The following SIPA1L2 variants were observed in gnomAD, a reference collection of about 807,000 sequenced individuals.
SIPA1L2 encodes signal-induced proliferation-associated 1-like protein 2.
In SIPA1L2, 56 loss-of-function variants were observed where a neutral mutation model predicts 163.9. The ratio of observed to expected loss-of-function variants is 0.34; its 90% CI spans 0.28 to 0.43. SIPA1L2 has a LOEUF of 0.43. SIPA1L2 is among the 20% of genes least tolerant of loss of function. The probability of loss-of-function intolerance (pLI) is 1.00; values close to 1 mark genes in which losing one functional copy is unlikely to be tolerated. For missense variants in SIPA1L2, 1,974 were observed against 2,193.5 expected, an observed-to-expected ratio of 0.90 and a Z score of 2.00; for synonymous variants, 877 against 865.7, an observed-to-expected ratio of 1.01 and a Z score of -0.23.
chr1:232,433,485 C>G (rs1341422124), intron 15 of SIPA1L2, among the ~76,000 whole-genome samples: 2 of 152,120 alleles, frequency 1.3e-5, no homozygotes, highest in Admixed American at 6.5e-5. Flanking sequence ...ATGTTCTAGT[C>G]CTTAACCTGG....
At chr1:232,602,039 C>T (rs564313900) in intron 1 of SIPA1L2, among the ~76,000 whole-genome samples, 1 of 152,196 alleles carries the variant, frequency 6.6e-6, no homozygotes, top group East Asian at 1.9e-4. Context: ...GAAAAGCCCT[C>T]GCATGGAGAA....
rs547208058 is a variant in SIPA1L2 at position 232,608,918 on chromosome 1, T to G, written c.-319+20951A>C. Among the ~76,000 whole-genome samples the G allele has an allele frequency of 7.2e-5, 11 of 152,000 alleles. No homozygotes were observed. The South Asian group carries it at 1.9e-3, about 26-fold the overall frequency. On this transcript the variant is annotated intron_variant, in intron 1 of 22. Coordinates refer to ENST00000674635, the MANE Select transcript of SIPA1L2 (RefSeq NM_020808.5). ...TCACAATCTAGCTACTTACTCACAA[T>G]AGGCCGGTCTTCTTAAAGTCAAACA... is the stretch of plus-strand genomic sequence containing the variant.
chr1:232,438,632 C>T (rs79509142), intron 15 of SIPA1L2, among the ~76,000 whole-genome samples: 2 of 152,346 alleles, frequency 1.3e-5, no homozygotes, highest in East Asian at 3.9e-4. Context: ...CATTGTTATA[C>T]ACATGATCTC....
chr1:232,404,160 T>G lies in SIPA1L2; in HGVS notation c.4781A>C (p.Glu1594Ala). The part of the protein sequence containing the change: ...RAFEGLDSDE[E>A]LGLLCHHTSY... ...CGTGTGGTGACAGAGCAGCCCCAGTTCTTCATCTGAGTCAAGACCTGAAAT... is the reference window on the plus strand; with the variant it reads ...CGTGTGGTGACAGAGCAGCCCCAGTGCTTCATCTGAGTCAAGACCTGAAAT... The change falls in exon 20 of 23, where the codon GAA becomes GCA. Residue 1594 changes from glutamate (E) to alanine (A), a missense_variant. Coordinates refer to ENST00000674635, the MANE Select transcript of SIPA1L2 (RefSeq NM_020808.5). 6.2e-7 allele frequency: 1 copy of G among 1,614,012 alleles called. No individual in the cohort carries two copies. The highest frequency in any genetic ancestry group is 8.5e-7 in the Non-Finnish European group (1 of 1,179,980).
intron 1 of SIPA1L2, among the ~76,000 whole-genome samples, chr1:232,576,154 A>G (rs1660067548): frequency 6.6e-6 from 1 of 152,204 alleles, no homozygotes; most frequent in Non-Finnish European, 1.5e-5. Flanking sequence ...AGGGACTCAG[A>G]CACAGTACTA....
intron 10 of SIPA1L2, among the ~76,000 whole-genome samples, chr1:232,459,043 A>G (rs1664083947): frequency 1.3e-5 from 2 of 152,250 alleles, no homozygotes; most frequent in African/African-American, 2.4e-5. Flanking sequence ...ACAGGAAACA[A>G]GGCCACAGAA....
At chr1:232,526,484 T>C (rs1667713778) in intron 2 of SIPA1L2, among the ~76,000 whole-genome samples, 1 of 152,192 alleles carries the variant, frequency 6.6e-6, no homozygotes, top group African/African-American at 2.4e-5. Flanking sequence ...TAAATGTATG[T>C]GAAGCTCACA....
At chr1:232,480,896 C>T (rs1309369879) in intron 6 of SIPA1L2, among the ~76,000 whole-genome samples, 1 of 151,938 alleles carries the variant, frequency 6.6e-6, no homozygotes, top group Non-Finnish European at 1.5e-5. Flanking sequence ...CTTTCTGAAC[C>T]CTGTAGTATG....
intron 2 of SIPA1L2, among the ~76,000 whole-genome samples, chr1:232,528,103 A>ATATATATATATATATATATATATATCG (rs1558246735): frequency 1.4e-4 from 7 of 51,726 alleles, no homozygotes; most frequent in African/African-American, 4.7e-4. Context: ...TATATATATA[A>ATATATATATATATATATATATATATCG]TCAACTTTCT....
At chr1:232,607,052 CTAAT>C (rs1443939722) in intron 1 of SIPA1L2, among the ~76,000 whole-genome samples, 2 of 152,032 alleles carry the variant, frequency 1.3e-5, no homozygotes, top group African/African-American at 2.4e-5. Context: ...TTGAGACAGA[CTAAT>C]TATTTTTTAA....
intron 10 of SIPA1L2, 83 bp from the exon 11 acceptor site, chr1:232,445,869 C>A (rs1053130798): frequency 1.3e-6 from 2 of 1,499,850 alleles, no homozygotes; most frequent in South Asian, 1.3e-5. Context: ...GGCCCCTCAA[C>A]ACACATCACA....
chr1:232,536,810 TG>T (rs1227070709), intron 2 of SIPA1L2, among the ~76,000 whole-genome samples: 15 of 152,176 alleles, frequency 9.9e-5, no homozygotes, highest in African/African-American at 3.6e-4. Context: ...GAGGAGTAGT[TG>T]AGGTGATAAA....
chr1:232,514,938 G>C lies in SIPA1L2; in HGVS notation c.402C>G (p.Phe134Leu), dbSNP rs538951811. 2 of 1,614,104 alleles carry C rather than the reference G, an allele frequency of 1.2e-6. No homozygotes were observed. The highest frequency in any genetic ancestry group is 3.3e-5 in the Admixed American group (2 of 60,020). ...CTCCGATTGTGTACTTGGCCTCCAC[G>C]AAGTCCAGATCGAGCTGTTCATCTT... ...GQQDEQLDLDFVEAKYTIGDI... is the reference protein window; with the variant it reads ...GQQDEQLDLDLVEAKYTIGDI... Residue 134 changes from phenylalanine to leucine, a missense_variant, in exon 3 of 23, where the codon TTC (phenylalanine) becomes TTG (leucine). Transcript: ENST00000674635.
intron 2 of SIPA1L2, among the ~76,000 whole-genome samples, chr1:232,530,938 A>G (rs1167528747): frequency 6.6e-6 from 1 of 152,232 alleles, no homozygotes; most frequent in Admixed American, 6.5e-5. Flanking sequence ...AGTTTTGAAG[A>G]AATGAAAATG....
chr1:232,623,046 GA>G (rs1198758194), intron 1 of SIPA1L2, among the ~76,000 whole-genome samples: 1 of 152,116 alleles, frequency 6.6e-6, no homozygotes, highest in Non-Finnish European at 1.5e-5. Flanking sequence ...TATTAAAATC[GA>G]ACAGGAGGAT....
At chr1:232,399,807 T>C (rs1256941136) in intron 22 of SIPA1L2, among the ~76,000 whole-genome samples, 1 of 152,182 alleles carries the variant, frequency 6.6e-6, no homozygotes, top group East Asian at 1.9e-4. Flanking sequence ...ATCTGGAGTT[T>C]CCAACATGTA....
intron 1 of SIPA1L2, among the ~76,000 whole-genome samples, chr1:232,623,113 G>A (rs1021794146): frequency 6.6e-6 from 1 of 152,174 alleles, no homozygotes; most frequent in African/African-American, 2.4e-5. Context: ...ACAAGAGCAG[G>A]GCTCCCTGCT....
At chr1:232,482,572 C>T (rs1055846465) in intron 6 of SIPA1L2, among the ~76,000 whole-genome samples, 14 of 152,142 alleles carry the variant, frequency 9.2e-5, no homozygotes, top group African/African-American at 3.4e-4. Flanking sequence ...AGTCAAACTC[C>T]AGCCCTGGCG....
intron 18 of SIPA1L2, among the ~76,000 whole-genome samples, chr1:232,419,592 A>G (rs1323745441): frequency 6.6e-6 from 1 of 151,724 alleles, no homozygotes; most frequent in Non-Finnish European, 1.5e-5. Flanking sequence ...CTCGCCATGG[A>G]CTCTGTCTTG....
Sources: gnomAD v4.1 joint callset for allele counts (sites outside exome capture counted in the v4.1 genomes callset) on GRCh38, gnomAD v4.1.1 for gene constraint, MANE v1.5 for transcripts, NCBI Gene and HGNC (gene_info 2026-07-23, HGNC 2026-07-21) for gene names.